Variants in LHFPL3 observed in about 807,000 individuals in gnomAD.
LHFPL3 encodes the protein LHFPL tetraspan subfamily member 3.
Under a neutral mutation model 19.3 loss-of-function variants are expected in LHFPL3, and 5 were observed. The observed-to-expected ratio is 0.26, with a 90% CI of 0.14 to 0.54. LHFPL3 has a LOEUF of 0.54. LHFPL3 is among the 20% of genes least tolerant of loss of function. The pLI, the probability that LHFPL3 is intolerant of heterozygous loss-of-function variation, is 0.94. For synonymous variants in LHFPL3, 133 were observed against 126.2 expected, an observed-to-expected ratio of 1.05 and a Z score of -0.36; for missense variants, 249 against 307.4, an observed-to-expected ratio of 0.81 and a Z score of 1.42.
In LHFPL3 at chr7:104,854,293, T is replaced by C. The variant is rs555613175; in HGVS notation, c.683-51894T>C. ...GGAAGGTTTGTTATCCATATTTGAG[T>C]GCATTCTTCATTGATAAGTCTGACT... On this transcript the variant is annotated intron_variant, in intron 2 of 2. Coordinates refer to ENST00000424859, the MANE Select transcript of LHFPL3 (RefSeq NM_199000.3). 7.2e-4 allele frequency among the ~76,000 whole-genome samples: 110 copies of C among 152,302 alleles called. 2 individuals carry two copies. The Middle Eastern group carries it at 0.014, about 19-fold the overall frequency.
At position 104,735,526 on chromosome 7, in the gene LHFPL3, A is replaced by T. The variant is rs370086662; in HGVS notation, c.446-1149A>T. 1.8e-4 allele frequency among the ~76,000 whole-genome samples: 28 copies of T among 152,348 alleles called. No individual in the cohort carries two copies. In the East Asian group the frequency reaches 5.0e-3, roughly 27 times the overall value. ...TAGGACCCTCCGAGCCAGTTGCGGG[A>T]TCTGATCTGCTGGTGTGCTGTTTGC... On this transcript the variant is annotated intron_variant, in intron 1 of 2. Coordinates refer to ENST00000424859, the MANE Select transcript of LHFPL3 (RefSeq NM_199000.3).
At chr7:104,696,336 G>A (rs1297998889) in intron 1 of LHFPL3, among the ~76,000 whole-genome samples, 1 of 152,166 alleles carries the variant, frequency 6.6e-6, no homozygotes, top group African/African-American at 2.4e-5. Flanking sequence ...AAGAATATAC[G>A]CACTGCAAAG....
intron 1 of LHFPL3, among the ~76,000 whole-genome samples, chr7:104,559,974 G>A (rs937348258): frequency 1.3e-5 from 2 of 150,200 alleles, no homozygotes; most frequent in African/African-American, 5.0e-5. Context: ...TTATATGCTG[G>A]ATTACATTTA....
chr7:104,645,593 A>G (rs867813384), intron 1 of LHFPL3, among the ~76,000 whole-genome samples: 1 of 150,528 alleles, frequency 6.6e-6, no homozygotes, highest in Non-Finnish European at 1.5e-5. Context: ...CCAAAGGTGC[A>G]TGTCTAAATC....
At chr7:104,388,565 TACAAAATCAG>T (rs1790996232) in intron 1 of LHFPL3, among the ~76,000 whole-genome samples, 1 of 152,128 alleles carries the variant, frequency 6.6e-6, no homozygotes, top group Non-Finnish European at 1.5e-5. Context: ...ATTATCTTGA[TACAAAATCAG>T]ACAAAGACGT....
chr7:104,556,400 C>T (rs1789834018), intron 1 of LHFPL3, among the ~76,000 whole-genome samples: 1 of 152,214 alleles, frequency 6.6e-6, no homozygotes, highest in Non-Finnish European at 1.5e-5. Context: ...TCTGTGCACC[C>T]ACAGGCTCAA....
intron 1 of LHFPL3, among the ~76,000 whole-genome samples, chr7:104,542,200 C>G (rs187641913): frequency 6.6e-6 from 1 of 152,130 alleles, no homozygotes; most frequent in African/African-American, 2.4e-5. Flanking sequence ...TTTTGAGGCC[C>G]CAGTTCCAGG....
At chr7:104,493,900 C>T (rs569869631) in intron 1 of LHFPL3, among the ~76,000 whole-genome samples, 1 of 152,222 alleles carries the variant, frequency 6.6e-6, no homozygotes, top group African/African-American at 2.4e-5. Context: ...TAACTAGTCC[C>T]ACTTGAGATG....
intron 1 of LHFPL3, among the ~76,000 whole-genome samples, chr7:104,718,323 GA>G (rs1793429393): frequency 6.6e-6 from 1 of 152,250 alleles, no homozygotes; most frequent in Non-Finnish European, 1.5e-5. Flanking sequence ...AATTAAGGGG[GA>G]AAAAAGCTGC....
intron 2 of LHFPL3, among the ~76,000 whole-genome samples, chr7:104,853,027 G>A (rs565223775): frequency 9.3e-4 from 141 of 152,346 alleles, no homozygotes; most frequent in Middle Eastern, 3.4e-3. Flanking sequence ...ATAGTTGAAC[G>A]TACCCATCCT....
intron 1 of LHFPL3, among the ~76,000 whole-genome samples, chr7:104,417,103 C>T (rs2116524182): frequency 6.6e-6 from 1 of 152,294 alleles, no homozygotes; most frequent in Middle Eastern, 3.4e-3. Flanking sequence ...CCATAGGGGG[C>T]ATAATATTCC....
At chr7:104,794,773 A>G (rs1562795416) in intron 2 of LHFPL3, among the ~76,000 whole-genome samples, 1 of 152,206 alleles carries the variant, frequency 6.6e-6, no homozygotes, top group Admixed American at 6.5e-5. Context: ...GTCGTCACTT[A>G]GAAGTTGCCA....
At chr7:104,787,254 T>C (rs957684527) in intron 2 of LHFPL3, among the ~76,000 whole-genome samples, 3 of 152,188 alleles carry the variant, frequency 2.0e-5, no homozygotes, top group Non-Finnish European at 2.9e-5. Context: ...TGTGGAAATA[T>C]AGAAGCTGTG....
chr7:104,417,509 A>G (rs1791645195), intron 1 of LHFPL3, among the ~76,000 whole-genome samples: 1 of 152,108 alleles, frequency 6.6e-6, no homozygotes. Flanking sequence ...TGTAGTTTAT[A>G]CTTTCCATTT....
rs190819774 is a variant in LHFPL3 at position 104,827,343 on chromosome 7, G to A, written c.683-78844G>A. On this transcript the variant is annotated intron_variant, in intron 2 of 2. Transcript: ENST00000424859. ...TAATTTAACTGCAATTTGGTTAAAAGCTTCCTAAGGGAGAAAATTCAGTCT... is the reference window on the plus strand; with the variant it reads ...TAATTTAACTGCAATTTGGTTAAAAACTTCCTAAGGGAGAAAATTCAGTCT... Among the ~76,000 whole-genome samples the A allele has an allele frequency of 1.0e-3, 157 of 152,134 alleles. 3 individuals are homozygous for A. Among genetic ancestry groups the A allele is most frequent in the African/African-American group, 3.6e-3 (147 of 41,398 alleles).
At chr7:104,689,152 T>C (rs1290546949) in intron 1 of LHFPL3, among the ~76,000 whole-genome samples, 2 of 152,184 alleles carry the variant, frequency 1.3e-5, no homozygotes, top group African/African-American at 4.8e-5. Context: ...TGATTGCTCT[T>C]CTCTGTATTC....
At chr7:104,861,953 G>A (rs1001191149) in intron 2 of LHFPL3, among the ~76,000 whole-genome samples, 3 of 152,170 alleles carry the variant, frequency 2.0e-5, no homozygotes, top group South Asian at 4.1e-4. Context: ...AGGCTGGCTC[G>A]TGGTAGGGCT....
At chr7:104,830,229 T>G (rs1486978914) in intron 2 of LHFPL3, among the ~76,000 whole-genome samples, 13 of 151,978 alleles carry the variant, frequency 8.6e-5, no homozygotes, top group Non-Finnish European at 1.0e-4. Flanking sequence ...TTCTGGATAT[T>G]AGCCCTTTGT....
At chr7:104,706,408 C>T (rs113541257) in intron 1 of LHFPL3, among the ~76,000 whole-genome samples, 5,454 of 152,262 alleles carry the variant, frequency 0.036, 327 homozygotes, top group African/African-American at 0.12. Context: ...AAGAGGACCA[C>T]CAGCACCTCT....
Sources: allele counts gnomAD v4.1 joint callset (sites outside exome capture counted in the v4.1 genomes callset), GRCh38; gene constraint gnomAD v4.1.1; transcripts MANE v1.5; gene names NCBI Gene and HGNC (gene_info 2026-07-23, HGNC 2026-07-21).